Variants in SPTB observed in about 807,000 individuals in gnomAD.
SPTB encodes spectrin beta, erythrocytic, also known as spectrin beta chain, erythrocytic.
In SPTB, 45 loss-of-function variants were observed where a neutral mutation model predicts 256.2. The ratio of observed to expected loss-of-function variants is 0.18; its 90% CI spans 0.14 to 0.23. The LOEUF is 0.23. Among genes scored for constraint, SPTB ranks in the 10% least tolerant of loss-of-function variants. The pLI is 1.00. For missense variants in SPTB, 2,715 were observed against 3,040.4 expected (o/e 0.89, Z 2.52); for synonymous variants, 1,231 against 1,243.1 (o/e 0.99, Z 0.21).
In SPTB at chr14:64,796,770, G is replaced by C; in HGVS notation, c.1183-55C>G. On this transcript the variant is annotated intron_variant, in intron 10 of 35. Coordinates refer to ENST00000644917, the MANE Select transcript of SPTB (RefSeq NM_001355436.2). This position sits in a 1 kb window ranked among gnomAD's most constrained non-coding sequence, Gnocchi z 4.1. The stretch of plus-strand genomic sequence containing the variant: ...GGGCACAGGAGAAATGCCTCACTTT[G>C]GGGGCTCCACCCCTTTCACCCAACA... 2 of 1,609,620 alleles carry C rather than the reference G, an allele frequency of 1.2e-6. No individual in the cohort carries two copies. The highest frequency in any genetic ancestry group is 1.7e-6 in the Non-Finnish European group (2 of 1,177,916).
intron 1 of SPTB, among the ~76,000 whole-genome samples, chr14:64,851,156 C>T (rs2083778798): frequency 6.6e-6 from 1 of 152,158 alleles, no homozygotes; most frequent in Non-Finnish European, 1.5e-5. Context: ...AAAACAGATT[C>T]ATAGTTTTAA....
chr14:64,864,134 A>C (rs1882015427), intron 1 of SPTB, among the ~76,000 whole-genome samples: 2 of 152,158 alleles, frequency 1.3e-5, no homozygotes, highest in African/African-American at 4.8e-5. Context: ...AGATAGAAGG[A>C]GCATAAGATA....
Position 64,779,062 on chromosome 14 carries a change from C to T in SPTB, c.4563+95G>A. On this transcript the variant is annotated intron_variant, in intron 22 of 35. Coordinates refer to ENST00000644917, the MANE Select transcript of SPTB (RefSeq NM_001355436.2). This position sits in a 1 kb window ranked among gnomAD's most constrained non-coding sequence, Gnocchi z 4.2. ...CAACAAGAACAATAATCTGCTGTTG[C>T]TAGCCTTCTGCAGGTCAGGGCTGGG... The T allele has an allele frequency of 1.1e-6, 1 of 914,532 alleles. No individual in the cohort carries two copies. Among genetic ancestry groups the T allele is most frequent in the Non-Finnish European group, 1.8e-6 (1 of 570,524 alleles). 56.7% of individuals were successfully genotyped at this position (914,532 alleles called of 1,614,324 possible). A position where few individuals can be genotyped will look rare whatever the true frequency, so the allele number is the denominator to read the frequency against.
At chr14:64,766,304 G>A (rs938691554) in intron 32 of SPTB, 30 of 908,288 alleles carry the variant, frequency 3.3e-5, no homozygotes, top group Admixed American at 2.9e-4. Flanking sequence ...GTGCCTGTGT[G>A]TAGGTGTGGG....
chr14:64,842,764 C>T (rs2083626809), intron 1 of SPTB, among the ~76,000 whole-genome samples: 1 of 152,142 alleles, frequency 6.6e-6, no homozygotes, highest in Admixed American at 6.6e-5. Flanking sequence ...AACTACACCC[C>T]CCTCTACTTG....
intron 2 of SPTB, among the ~76,000 whole-genome samples, chr14:64,821,579 G>A (rs562604654): frequency 1.3e-3 from 145 of 112,866 alleles, no homozygotes; most frequent in South Asian, 2.4e-3. Context: ...CCAGACTGAC[G>A]ACAAAGCCAA....
chr14:64,830,376 ATTATT>A (rs1409370402), intron 1 of SPTB, among the ~76,000 whole-genome samples: 1 of 32,066 alleles, frequency 3.1e-5, no homozygotes, highest in South Asian at 1.1e-3. Context: ...TATTATTATT[ATTATT>A]TTATTTTATT....
chr14:64,803,585 C>T lies in SPTB; in HGVS notation c.474+22G>A, dbSNP rs749488117. On this transcript the variant is annotated intron_variant, in intron 4 of 35. Transcript: ENST00000644917. ...GCAGCCTTGAGGGCTCCCTCGACTTCCTCTACCCCCCAGGAACCCACCTGG... is the reference window on the plus strand; with the variant it reads ...GCAGCCTTGAGGGCTCCCTCGACTTTCTCTACCCCCCAGGAACCCACCTGG... The T allele has an allele frequency of 5.6e-6, 9 of 1,613,888 alleles. No individual in the cohort carries two copies. The South Asian group carries it at 6.6e-5, about 12-fold the overall frequency.
Position 64,796,931 on chromosome 14 carries a change from T to G in SPTB, c.1183-216A>C, listed in dbSNP as rs1476829789. Among the ~76,000 whole-genome samples, 1 of 152,144 alleles carries G rather than the reference T, an allele frequency of 6.6e-6. No homozygotes were observed. Among genetic ancestry groups the G allele is most frequent in the Non-Finnish European group, 1.5e-5 (1 of 68,008 alleles). ...AGAGGGCACTGCTCATGAGTCTCAC[T>G]TCCCTCTTCCCCTAAACCTGCCTCA... On this transcript the variant is annotated intron_variant, in intron 10 of 35. Coordinates refer to ENST00000644917, the MANE Select transcript of SPTB (RefSeq NM_001355436.2). This position sits in a 1 kb window ranked among gnomAD's most constrained non-coding sequence, Gnocchi z 4.1.
chr14:64,801,903 G>A, intron 5 of SPTB, 69 bp from the exon 6 acceptor site: 1 of 1,438,556 alleles, frequency 7.0e-7, no homozygotes, highest in Non-Finnish European at 9.8e-7. Flanking sequence ...TGTACAAATT[G>A]AGGGCCAATA....
intron 32 of SPTB, chr14:64,763,899 A>G: frequency 1.9e-6 from 1 of 518,484 alleles, no homozygotes; most frequent in Non-Finnish European, 3.9e-6. Flanking sequence ...CCACGTGCAC[A>G]CACACGTGGG....
rs2082134312 is a variant in SPTB, at chr14:64,764,260, G to A, written c.6345+2466C>T. ...AAGGAGCCTTCTAGAGCCAGGTTGG[G>A]CTTTCCCGACAGGCTCTGTCCTCCT... On this transcript the variant is annotated intron_variant, in intron 32 of 35. Transcript: ENST00000644917. The surrounding 1 kb of genome is among the most constrained non-coding windows in gnomAD (Gnocchi z 4.2). Among the ~76,000 whole-genome samples, 2 of 152,234 alleles carry A rather than the reference G, an allele frequency of 1.3e-5. No individual in the cohort carries two copies. Among genetic ancestry groups the A allele is most frequent in the South Asian group, 2.1e-4 (1 of 4,832 alleles).
Position 64,823,161 on chromosome 14 carries a change from ACAGT to A in SPTB, c.-51-20_-51-17del. ...GGAAGGATCCCTGGGGGACAGCAAC[ACAGT>A]CAGAGGGTTATCTCTCTACCCCCTC... On this transcript the variant is annotated splice_polypyrimidine_tract_variant and intron_variant, in intron 1 of 35. Coordinates refer to ENST00000644917, the MANE Select transcript of SPTB (RefSeq NM_001355436.2). This position sits in a 1 kb window ranked among gnomAD's most constrained non-coding sequence, Gnocchi z 6.5. 1 of 1,595,140 alleles carries A rather than the reference ACAGT, an allele frequency of 6.3e-7. No individual in the cohort carries two copies. The highest frequency in any genetic ancestry group is 1.7e-5 in the Admixed American group (1 of 59,982).
chr14:64,858,203 G>C (rs534293817), intron 1 of SPTB, among the ~76,000 whole-genome samples: 1 of 152,134 alleles, frequency 6.6e-6, no homozygotes, highest in Non-Finnish European at 1.5e-5. Context: ...CACCTCACGA[G>C]GAACGGAAAT....
At position 64,806,147 on chromosome 14, in the gene SPTB, A is replaced by G. The variant is rs2082979489; in HGVS notation, c.149-1057T>C. On this transcript the variant is annotated intron_variant, in intron 2 of 35. Coordinates refer to ENST00000644917, the MANE Select transcript of SPTB (RefSeq NM_001355436.2). This position sits in a 1 kb window ranked among gnomAD's most constrained non-coding sequence, Gnocchi z 4.1. ...GGATGGCACAAAAAAAAGAGAGAGA[A>G]AAGGATAGAGGAGGGGAGAAGGAGA... 6.6e-6 allele frequency among the ~76,000 whole-genome samples: 1 copy of G among 150,724 alleles called. No homozygotes were observed. The highest frequency in any genetic ancestry group is 2.0e-4 in the East Asian group (1 of 4,984).
rs1214737217 is a variant in SPTB at position 64,785,086 on chromosome 14, C to G, written c.3855+451G>C. 6.6e-6 allele frequency among the ~76,000 whole-genome samples: 1 copy of G among 152,198 alleles called. No homozygotes were observed. The highest frequency in any genetic ancestry group is 1.5e-5 in the Non-Finnish European group (1 of 68,030). On this transcript the variant is annotated intron_variant, in intron 18 of 35. Transcript: ENST00000644917. This position sits in a 1 kb window ranked among gnomAD's most constrained non-coding sequence, Gnocchi z 4.4. ...AGTGGGACCCAGGGGTCTGCTTTAA[C>G]TAGGACCAGGACTGGCTCCATAATT... is the stretch of plus-strand genomic sequence containing the variant.
intron 1 of SPTB, among the ~76,000 whole-genome samples, chr14:64,863,159 G>A (rs1881958868): frequency 6.6e-6 from 1 of 152,150 alleles, no homozygotes; most frequent in African/African-American, 2.4e-5. Context: ...TTTTGATGGT[G>A]CCCCAAGATC....
rs2083393189 is a variant in SPTB, at chr14:64,827,536, T to A, written c.-51-4391A>T. On this transcript the variant is annotated intron_variant, in intron 1 of 35. Coordinates refer to ENST00000644917, the MANE Select transcript of SPTB (RefSeq NM_001355436.2). This position sits in a 1 kb window ranked among gnomAD's most constrained non-coding sequence, Gnocchi z 4.6. ...GTGGCAACCCGGTCAGGAGATTAAA[T>A]CCTGAAGTTTCTCTGGTAATTTTTC... 6.6e-6 allele frequency among the ~76,000 whole-genome samples: 1 copy of A among 152,172 alleles called. No homozygotes were observed. The highest frequency in any genetic ancestry group is 2.4e-5 in the African/African-American group (1 of 41,434).
intron 27 of SPTB, among the ~76,000 whole-genome samples, chr14:64,770,274 C>T (rs170681): frequency 0.26 from 38,975 of 152,068 alleles, 5,163 homozygotes; most frequent in East Asian, 0.4. Flanking sequence ...TTAAAAACCA[C>T]TGAATGATAC....
Sources: allele counts gnomAD v4.1 joint callset (sites outside exome capture counted in the v4.1 genomes callset), GRCh38; gene constraint gnomAD v4.1.1; non-coding constraint Gnocchi (gnomAD v3.1); transcripts MANE v1.5; gene names NCBI Gene and HGNC (gene_info 2026-07-23, HGNC 2026-07-21).